Variants in ADGRL2 observed in about 807,000 individuals in gnomAD.
The protein encoded by ADGRL2 is calcium-independent alpha-latrotoxin receptor 2.
Under a neutral mutation model 157.4 loss-of-function variants are expected in ADGRL2, and 44 were observed. The ratio of observed to expected loss-of-function variants is 0.28; its 90% CI spans 0.22 to 0.36. The LOEUF (loss-of-function observed/expected upper bound fraction) is 0.36, where lower values mean the gene tolerates loss of function less well. Ranked by LOEUF, ADGRL2 falls within the 10% of genes least tolerant of loss-of-function variation. ADGRL2 has a pLI of 1.00. For missense variants in ADGRL2, 1,510 were observed against 1,768.9 expected, an observed-to-expected ratio of 0.85 and a Z score of 2.63; for synonymous variants, 585 against 624.7, an observed-to-expected ratio of 0.94 and a Z score of 0.95.
chr1:81,921,892 T>C (rs1270417134), intron 3 of ADGRL2, among the ~76,000 whole-genome samples: 2 of 123,982 alleles, frequency 1.6e-5, no homozygotes, highest in Non-Finnish European at 3.7e-5. Flanking sequence ...TTCTGAGATA[T>C]AGAAGCAAAT....
At chr1:81,316,498 A>G (rs1398191034) in intron 1 of ADGRL2, among the ~76,000 whole-genome samples, 1 of 152,214 alleles carries the variant, frequency 6.6e-6, no homozygotes, top group Non-Finnish European at 1.5e-5. Context: ...GTTTTAGGCC[A>G]ATCATATTTT....
chr1:81,893,726 T>A (rs1028048991), intron 2 of ADGRL2, among the ~76,000 whole-genome samples: 1 of 152,210 alleles, frequency 6.6e-6, no homozygotes, highest in Non-Finnish European at 1.5e-5. Context: ...AGAAAGGATA[T>A]AATTTTAACT....
intron 3 of ADGRL2, among the ~76,000 whole-genome samples, chr1:81,931,316 C>T (rs2148774591): frequency 6.6e-6 from 1 of 152,240 alleles, no homozygotes; most frequent in African/African-American, 2.4e-5. Context: ...GGTATTTGAA[C>T]TTAATATTAA....
At chr1:81,871,473 T>C (rs1378750357) in intron 2 of ADGRL2, among the ~76,000 whole-genome samples, 1 of 152,160 alleles carries the variant, frequency 6.6e-6, no homozygotes, top group Non-Finnish European at 1.5e-5. Flanking sequence ...CGGGGTCAAA[T>C]GGTATTTCTA....
chr1:81,944,031 C>T (rs1648946996), intron 6 of ADGRL2, among the ~76,000 whole-genome samples: 1 of 151,840 alleles, frequency 6.6e-6, no homozygotes, highest in Admixed American at 6.6e-5. Flanking sequence ...TAACCAGAAA[C>T]CTGTTAGCAG....
At chr1:81,895,438 G>A (rs1313948357) in intron 2 of ADGRL2, among the ~76,000 whole-genome samples, 5 of 100,860 alleles carry the variant, frequency 5.0e-5, no homozygotes, top group African/African-American at 1.9e-4. Flanking sequence ...CACTCTTGTT[G>A]CCCAGGCTGG....
intron 1 of ADGRL2, chr1:81,426,953 G>T: frequency 1.4e-6 from 1 of 738,036 alleles, no homozygotes; most frequent in East Asian, 2.6e-5. Context: ...AAAAAAGGAA[G>T]GATTTGCTTT....
At chr1:81,853,360 G>A (rs2093085584) in intron 2 of ADGRL2, among the ~76,000 whole-genome samples, 1 of 152,124 alleles carries the variant, frequency 6.6e-6, no homozygotes, top group Non-Finnish European at 1.5e-5. Context: ...TACGACTGCA[G>A]GTGCTTATGT....
intron 17 of ADGRL2, among the ~76,000 whole-genome samples, chr1:81,978,091 A>G (rs1159586846): frequency 1.3e-5 from 2 of 151,368 alleles, no homozygotes; most frequent in African/African-American, 2.4e-5. Flanking sequence ...AAAAAAACAC[A>G]CTCTTAATTT....
At chr1:81,522,154 G>A (rs758845285) in intron 2 of ADGRL2, among the ~76,000 whole-genome samples, 2 of 151,910 alleles carry the variant, frequency 1.3e-5, no homozygotes, top group Non-Finnish European at 2.9e-5. Context: ...TAGTAGAGAT[G>A]GGTTTTCGCC....
intron 2 of ADGRL2, chr1:81,502,938 C>G (rs1458394083): frequency 2.5e-6 from 4 of 1,612,352 alleles, no homozygotes; most frequent in Non-Finnish European, 3.4e-6. Context: ...CCCCAGCAAC[C>G]ACTCTCAGGA....
chr1:81,581,424 AG>A (rs780461269), intron 3 of ADGRL2, among the ~76,000 whole-genome samples: 88 of 152,338 alleles, frequency 5.8e-4, no homozygotes, highest in Non-Finnish European at 1.2e-3. Context: ...GCTCCACTAA[AG>A]AGTAAACTAG....
intron 3 of ADGRL2, among the ~76,000 whole-genome samples, chr1:81,658,085 A>G (rs940401087): frequency 1.3e-5 from 2 of 152,160 alleles, no homozygotes; most frequent in African/African-American, 4.8e-5. Flanking sequence ...TATTATTTGT[A>G]TACATAAACA....
intron 1 of ADGRL2, among the ~76,000 whole-genome samples, chr1:81,729,916 C>T (rs756398268): frequency 4.6e-5 from 7 of 152,110 alleles, no homozygotes; most frequent in Admixed American, 3.3e-4. Flanking sequence ...TCAGATATAT[C>T]CTCAAATTGT....
intron 2 of ADGRL2, among the ~76,000 whole-genome samples, chr1:81,575,763 G>C (rs1294948842): frequency 6.6e-6 from 1 of 152,032 alleles, no homozygotes; most frequent in Admixed American, 6.6e-5. Context: ...TTCTGTTCTT[G>C]TGTTTATGGC....
At chr1:81,377,974 A>G (rs2076278892) in intron 1 of ADGRL2, among the ~76,000 whole-genome samples, 1 of 152,128 alleles carries the variant, frequency 6.6e-6, no homozygotes, top group Admixed American at 6.5e-5. Flanking sequence ...AGGTCAAGAG[A>G]TCGAGATCAT....
intron 2 of ADGRL2, among the ~76,000 whole-genome samples, chr1:81,560,739 G>A (rs1163087336): frequency 2.0e-5 from 3 of 152,102 alleles, no homozygotes; most frequent in South Asian, 2.1e-4. Context: ...GGAGCGGGCC[G>A]CAGAAGAGGC....
chr1:81,362,337 A>G (rs1372165751), intron 1 of ADGRL2, among the ~76,000 whole-genome samples: 2 of 151,884 alleles, frequency 1.3e-5, no homozygotes, highest in African/African-American at 4.8e-5. Context: ...GTTTCTCCCA[A>G]AGAACTCTTT....
At chr1:81,382,781 T>C (rs2101057999) in intron 1 of ADGRL2, among the ~76,000 whole-genome samples, 1 of 152,326 alleles carries the variant, frequency 6.6e-6, no homozygotes, top group East Asian at 1.9e-4. Flanking sequence ...CTAGGAGTAA[T>C]AGAAAATATG....
Sources: allele counts gnomAD v4.1 joint callset (sites outside exome capture counted in the v4.1 genomes callset), GRCh38; gene constraint gnomAD v4.1.1; transcripts MANE v1.5; gene names NCBI Gene and HGNC (gene_info 2026-07-23, HGNC 2026-07-21).